FAM135B: variants seen among roughly 807,000 people sequenced by gnomAD.
FAM135B encodes the protein protein FAM135B.
A neutral mutation model predicts 127.7 loss-of-function variants in FAM135B; 43 were observed. The observed-to-expected ratio is 0.34, with a 90% CI of 0.26 to 0.43. The LOEUF is 0.43. FAM135B is among the 20% of genes least tolerant of loss of function. The probability of loss-of-function intolerance (pLI) is 1.00; values close to 1 mark genes in which losing one functional copy is unlikely to be tolerated. For missense variants in FAM135B, 1,558 were observed against 1,725.6 expected (o/e 0.90, Z 1.72); for synonymous variants, 670 against 665.1 (o/e 1.01, Z -0.11).
chr8:138,257,313 T>A (rs2130551892), intron 4 of FAM135B, among the ~76,000 whole-genome samples: 1 of 152,306 alleles, frequency 6.6e-6, no homozygotes, highest in East Asian at 1.9e-4. Flanking sequence ...AGCTTCTTCA[T>A]TTTTGTCTTG....
intron 3 of FAM135B, among the ~76,000 whole-genome samples, chr8:138,271,757 T>C (rs570292633): frequency 6.6e-6 from 1 of 152,314 alleles, no homozygotes; most frequent in South Asian, 2.1e-4. Flanking sequence ...AATTATATGA[T>C]TGGAAAAGTC....
intron 1 of FAM135B, among the ~76,000 whole-genome samples, chr8:138,493,733 AC>A (rs1815285353): frequency 6.6e-6 from 1 of 152,204 alleles, no homozygotes; most frequent in African/African-American, 2.4e-5. Context: ...GAACAAATTT[AC>A]TTAGAGTATT....
At chr8:138,167,823 C>T (rs2130897668) in intron 12 of FAM135B, 72 bp downstream of exon 12, 4 of 1,487,446 alleles carry the variant, frequency 2.7e-6, no homozygotes, top group African/African-American at 1.4e-5. Context: ...GGAATATAAA[C>T]AAACTGTGCC....
intron 12 of FAM135B, among the ~76,000 whole-genome samples, chr8:138,159,277 T>TGAAAAAAAAAAAAA (rs1819109170): frequency 5.6e-5 from 1 of 17,710 alleles, no homozygotes; most frequent in East Asian, 3.3e-3. Flanking sequence ...AGACTCCGTC[T>TGAAAAAAAAAAAAA]CAAAAAAAAA....
chr8:138,436,053 TATG>T (rs1835436795), intron 1 of FAM135B, among the ~76,000 whole-genome samples: 1 of 152,242 alleles, frequency 6.6e-6, no homozygotes, highest in South Asian at 2.1e-4. Flanking sequence ...GGTCTCATGT[TATG>T]ATAACAGTGT....
At chr8:138,235,461 T>A (rs1289799755) in intron 7 of FAM135B, among the ~76,000 whole-genome samples, 1 of 152,232 alleles carries the variant, frequency 6.6e-6, no homozygotes, top group Non-Finnish European at 1.5e-5. Context: ...ATTATGCATG[T>A]CTGTGTCTTA....
intron 4 of FAM135B, among the ~76,000 whole-genome samples, chr8:138,259,250 C>T (rs1388834147): frequency 6.6e-6 from 1 of 152,138 alleles, no homozygotes; most frequent in African/African-American, 2.4e-5. Context: ...TGGTGACTCT[C>T]TTGTTTTCTC....
chr8:138,188,327 C>A (rs548861196), intron 9 of FAM135B, among the ~76,000 whole-genome samples: 1 of 152,298 alleles, frequency 6.6e-6, no homozygotes, highest in East Asian at 1.9e-4. Flanking sequence ...AGGCCCAGGA[C>A]TCACAACCTG....
intron 12 of FAM135B, among the ~76,000 whole-genome samples, chr8:138,160,886 C>T (rs1819321921): frequency 6.6e-6 from 1 of 152,150 alleles, no homozygotes; most frequent in Non-Finnish European, 1.5e-5. Flanking sequence ...AAGCATTTCT[C>T]CATCTTATGC....
chr8:138,193,735 C>A (rs1816353697), intron 9 of FAM135B, among the ~76,000 whole-genome samples: 1 of 152,158 alleles, frequency 6.6e-6, no homozygotes, highest in Admixed American at 6.5e-5. Flanking sequence ...GAGCAGACCC[C>A]ATGAGCAGAG....
At chr8:138,264,960 G>A (rs1480682938) in intron 4 of FAM135B, among the ~76,000 whole-genome samples, 1 of 152,176 alleles carries the variant, frequency 6.6e-6, no homozygotes, top group Non-Finnish European at 1.5e-5. Context: ...TATGGCAACA[G>A]GTACACTTCA....
chr8:138,430,690 G>A (rs1478548676), intron 1 of FAM135B, among the ~76,000 whole-genome samples: 1 of 152,072 alleles, frequency 6.6e-6, no homozygotes, highest in Middle Eastern at 3.2e-3. Flanking sequence ...CGAGGACGGG[G>A]GTAAAAAGAC....
chr8:138,337,466 A>ATG (rs1828691383), intron 2 of FAM135B, among the ~76,000 whole-genome samples: 1 of 151,402 alleles, frequency 6.6e-6, no homozygotes, highest in Non-Finnish European at 1.5e-5. Flanking sequence ...CACCAATAGC[A>ATG]GACAAACAGA....
chr8:138,438,299 A>G (rs1056130692), intron 1 of FAM135B: 3 of 152,160 alleles, frequency 2.0e-5, no homozygotes, highest in African/African-American at 7.2e-5. Flanking sequence ...TTGAAGAGCC[A>G]TGTCTCAAGT....
chr8:138,471,067 C>G (rs2131647786), intron 1 of FAM135B, among the ~76,000 whole-genome samples: 1 of 152,286 alleles, frequency 6.6e-6, no homozygotes, highest in South Asian at 2.1e-4. Context: ...AATGTATGCT[C>G]TTAGTCATCA....
intron 1 of FAM135B, among the ~76,000 whole-genome samples, chr8:138,399,526 C>G (rs981297614): frequency 4.6e-5 from 7 of 152,174 alleles, no homozygotes; most frequent in Non-Finnish European, 8.8e-5. Context: ...ATGGGTGGGT[C>G]TTGGGGCTTT....
chr8:138,151,720 A>G lies in FAM135B; in HGVS notation c.2755T>C (p.Ser919Pro), dbSNP rs745736383. ...TCAACCTCTGAGATGCCACTGTTGGAAAGAGCTTGCTGACCCACATTCAAG... is the reference window on the plus strand; with the variant it reads ...TCAACCTCTGAGATGCCACTGTTGGGAAGAGCTTGCTGACCCACATTCAAG... ...KDLNVGQQAL[S>P]NSGISEVEGL... is the part of the protein sequence containing the mutation. The change falls in exon 13 of 20, where the codon TCC becomes CCC. Residue 919 changes from serine to proline, a missense_variant. By Grantham distance (74) the Ser-to-Pro change is moderately conservative. Coordinates refer to ENST00000395297, the MANE Select transcript of FAM135B (RefSeq NM_015912.4). 1 of 1,614,028 alleles carries G rather than the reference A, an allele frequency of 6.2e-7. No homozygotes were observed. Among genetic ancestry groups the G allele is most frequent in the African/African-American group, 1.3e-5 (1 of 74,922 alleles).
intron 1 of FAM135B, among the ~76,000 whole-genome samples, chr8:138,400,416 T>G (rs1833093804): frequency 6.6e-6 from 1 of 152,168 alleles, no homozygotes; most frequent in Non-Finnish European, 1.5e-5. Context: ...GTGATAGACT[T>G]GAAGCCTGGT....
chr8:138,390,341 C>T (rs1217411147), intron 1 of FAM135B, among the ~76,000 whole-genome samples: 1 of 152,058 alleles, frequency 6.6e-6, no homozygotes, highest in Non-Finnish European at 1.5e-5. Flanking sequence ...CCCAGGAGAG[C>T]TGTTGGTTTT....
Sources: gnomAD v4.1 joint callset for allele counts (sites outside exome capture counted in the v4.1 genomes callset) on GRCh38, gnomAD v4.1.1 for gene constraint, MANE v1.5 for transcripts, NCBI Gene and HGNC (gene_info 2026-07-23, HGNC 2026-07-21) for gene names.